Variants in MYT1L observed in about 807,000 individuals in gnomAD.
The protein encoded by MYT1L is myelin transcription factor 1 like.
Under a neutral mutation model 126.7 loss-of-function variants are expected in MYT1L, and 12 were observed. That is an observed-to-expected ratio of 0.09 (90% CI 0.06 to 0.15). MYT1L has a LOEUF of 0.15. MYT1L is among the 10% of genes least tolerant of loss of function. The pLI is 1.00. For synonymous variants in MYT1L, 541 were observed against 604.2 expected (o/e 0.90, Z 1.53); for missense variants, 979 against 1,585.2 (o/e 0.62, Z 6.49).
chr2:2,206,255 G>T (rs2093316391), intron 2 of MYT1L, among the ~76,000 whole-genome samples: 1 of 152,028 alleles, frequency 6.6e-6, no homozygotes, highest in Non-Finnish European at 1.5e-5. Flanking sequence ...TGGGATTATA[G>T]GCACGAGCCA....
chr2:1,909,536 C>T (rs573804232), intron 13 of MYT1L, among the ~76,000 whole-genome samples: 3 of 152,280 alleles, frequency 2.0e-5, no homozygotes, highest in African/African-American at 7.2e-5. Context: ...TTTCAAACAA[C>T]ACGTAAGAAT....
At chr2:2,037,681 G>C (rs1351885598) in intron 4 of MYT1L, among the ~76,000 whole-genome samples, 1 of 151,534 alleles carries the variant, frequency 6.6e-6, no homozygotes, top group Non-Finnish European at 1.5e-5. Context: ...ACTTGAGCCC[G>C]GGAGGTGGAG....
chr2:1,960,880 C>A (rs60071641), intron 8 of MYT1L, among the ~76,000 whole-genome samples: 14,069 of 152,196 alleles, frequency 0.092, 1,158 homozygotes, highest in African/African-American at 0.23. Flanking sequence ...AGTGCACCCG[C>A]CTCCCTGGAC....
At chr2:2,054,551 G>T (rs1283281723) in intron 3 of MYT1L, among the ~76,000 whole-genome samples, 1 of 151,988 alleles carries the variant, frequency 6.6e-6, no homozygotes, top group Non-Finnish European at 1.5e-5. Context: ...ACGTGGAGAT[G>T]AGACAGATGC....
chr2:1,847,582 G>A (rs1031925996), intron 19 of MYT1L, among the ~76,000 whole-genome samples: 1 of 152,114 alleles, frequency 6.6e-6, no homozygotes, highest in Non-Finnish European at 1.5e-5. Context: ...AAGAGCAAAG[G>A]GAGACTACAG....
At chr2:2,319,035 T>C (rs1431402622) in intron 1 of MYT1L, among the ~76,000 whole-genome samples, 1 of 152,218 alleles carries the variant, frequency 6.6e-6, no homozygotes, top group Non-Finnish European at 1.5e-5. Context: ...CTGAAATACA[T>C]GACCAGTTTC....
intron 8 of MYT1L, among the ~76,000 whole-genome samples, chr2:1,978,196 A>G (rs1191451332): frequency 2.0e-5 from 3 of 152,246 alleles, no homozygotes; most frequent in Non-Finnish European, 2.9e-5. Flanking sequence ...TTCACTAAAA[A>G]GGAAATGGAA....
At chr2:2,061,583 G>C (rs940183311) in intron 3 of MYT1L, among the ~76,000 whole-genome samples, 4 of 152,106 alleles carry the variant, frequency 2.6e-5, no homozygotes, top group African/African-American at 9.7e-5. Flanking sequence ...AGGGAAGAGG[G>C]ACGCTGAAGA....
chr2:2,144,448 A>G (rs914212893), intron 3 of MYT1L, among the ~76,000 whole-genome samples: 1 of 152,352 alleles, frequency 6.6e-6, no homozygotes, highest in African/African-American at 2.4e-5. Context: ...GGAATTGTTC[A>G]CAGTAACTTA....
intron 2 of MYT1L, among the ~76,000 whole-genome samples, chr2:2,200,925 T>C (rs970787033): frequency 3.9e-5 from 6 of 152,210 alleles, no homozygotes; most frequent in Non-Finnish European, 8.8e-5. Context: ...ATTAGATTCC[T>C]ACAAGTATAT....
intron 18 of MYT1L, among the ~76,000 whole-genome samples, chr2:1,885,850 A>G (rs2048108777): frequency 6.6e-6 from 1 of 152,078 alleles, no homozygotes. Flanking sequence ...ACTTCTACCC[A>G]CTTCTTCCAA....
chr2:2,321,001 C>T (rs1460318821), intron 1 of MYT1L, among the ~76,000 whole-genome samples: 1 of 152,158 alleles, frequency 6.6e-6, no homozygotes, highest in African/African-American at 2.4e-5. Flanking sequence ...TAATCAACTT[C>T]CTAATTAAAA....
chr2:1,958,997 A>G (rs1164513554), intron 8 of MYT1L, among the ~76,000 whole-genome samples: 1 of 152,214 alleles, frequency 6.6e-6, no homozygotes, highest in Non-Finnish European at 1.5e-5. Context: ...TCAGTCTCAT[A>G]AATTATAAAA....
At chr2:2,214,571 G>C (rs1433494655) in intron 2 of MYT1L, among the ~76,000 whole-genome samples, 1 of 152,120 alleles carries the variant, frequency 6.6e-6, no homozygotes. Context: ...CATCTTTAAA[G>C]TACTTAAGAG....
At chr2:2,230,997 G>C (rs1273646748) in intron 2 of MYT1L, among the ~76,000 whole-genome samples, 2 of 152,112 alleles carry the variant, frequency 1.3e-5, no homozygotes, top group Non-Finnish European at 2.9e-5. Context: ...ACGACCATCA[G>C]GGAACTTACC....
chr2:2,093,392 G>GAA, intron 3 of MYT1L, among the ~76,000 whole-genome samples: 1 of 141,152 alleles, frequency 7.1e-6, no homozygotes, highest in Non-Finnish European at 1.5e-5. Flanking sequence ...ATAATAAAAT[G>GAA]AAAACAATGT....
At chr2:2,268,635 A>G (rs2095192838) in intron 2 of MYT1L, among the ~76,000 whole-genome samples, 2 of 152,182 alleles carry the variant, frequency 1.3e-5, no homozygotes, top group Admixed American at 6.5e-5. Flanking sequence ...CTGGAAAACC[A>G]CGCCAGGAAA....
Position 2,301,743 on chromosome 2 carries a change from C to T in MYT1L, c.-520-17240G>A, listed in dbSNP as rs150067617. 6.0e-3 allele frequency among the ~76,000 whole-genome samples: 907 copies of T among 150,336 alleles called. 10 individuals are homozygous for T. The highest frequency in any genetic ancestry group is 0.02 in the African/African-American group (797 of 40,846). The stretch of plus-strand genomic sequence containing the variant: ...CTACTCAGGAGGCTGAGGCTAATTG[C>T]TTGAGCCCAGGAGATCAGGGCTGCA... On this transcript the variant is annotated intron_variant, in intron 1 of 24. Transcript: ENST00000647738.
intron 1 of MYT1L, among the ~76,000 whole-genome samples, chr2:2,302,199 T>A (rs2095796401): frequency 6.6e-6 from 1 of 152,214 alleles, no homozygotes; most frequent in African/African-American, 2.4e-5. Flanking sequence ...TTTCCTCAAA[T>A]GTGAAACATG....
Sources: allele counts gnomAD v4.1 joint callset (sites outside exome capture counted in the v4.1 genomes callset), GRCh38; gene constraint gnomAD v4.1.1; transcripts MANE v1.5; gene names NCBI Gene and HGNC (gene_info 2026-07-23, HGNC 2026-07-21).